AFAP1: variants seen among roughly 807,000 people sequenced by gnomAD.
The protein encoded by AFAP1 is actin filament-associated protein 1.
AFAP1 carries 75 observed loss-of-function variants against 93.9 expected under a neutral mutation model. That is an observed-to-expected ratio of 0.80 (90% CI 0.66 to 0.97). The LOEUF is 0.97. Among genes scored for constraint, AFAP1 ranks in the 50% least tolerant of loss-of-function variants. The probability of loss-of-function intolerance (pLI) is 0.00; values close to 1 mark genes in which losing one functional copy is unlikely to be tolerated. For synonymous variants in AFAP1, 517 were observed against 430.7 expected (o/e 1.20, Z -2.48); for missense variants, 1,201 against 1,050.8 (o/e 1.14, Z -1.98).
intron 6 of AFAP1, among the ~76,000 whole-genome samples, chr4:7,822,194 C>T (rs1318765933): frequency 6.6e-6 from 1 of 152,180 alleles, no homozygotes; most frequent in African/African-American, 2.4e-5. Context: ...TGAGCTTCTA[C>T]GTCAAACCCA....
chr4:7,933,707 G>C (rs1312060690), intron 1 of AFAP1, among the ~76,000 whole-genome samples: 2 of 152,216 alleles, frequency 1.3e-5, no homozygotes, highest in Non-Finnish European at 2.9e-5. Context: ...GCAAAGACCA[G>C]ATAGAGGCCT....
chr4:7,842,037 C>T (rs1183491224), intron 5 of AFAP1, among the ~76,000 whole-genome samples: 4 of 152,102 alleles, frequency 2.6e-5, no homozygotes, highest in Non-Finnish European at 5.9e-5. Context: ...CTAAAACATT[C>T]ATATAATATA....
At chr4:7,815,981 T>C (rs1262048124) in intron 8 of AFAP1, 37 bp downstream of exon 8, 1 of 1,544,836 alleles carries the variant, frequency 6.5e-7, no homozygotes, top group African/African-American at 1.4e-5. Context: ...GTTTTTTTTT[T>C]TAGTGTATAT....
chr4:7,786,238 C>A lies in AFAP1; in HGVS notation c.1486G>T (p.Gly496Trp), dbSNP rs769883895. The A allele has an allele frequency of 6.2e-7, 1 of 1,614,124 alleles. No individual in the cohort carries two copies. Among genetic ancestry groups the A allele is most frequent in the Non-Finnish European group, 8.5e-7 (1 of 1,180,022 alleles). The change falls in exon 12 of 18, where the codon GGG becomes TGG. Residue 496 changes from glycine to tryptophan, a missense_variant. Physicochemically the swap from Gly to Trp is radical, Grantham distance 184. Coordinates refer to ENST00000420658, the MANE Select transcript of AFAP1 (RefSeq NM_001134647.2). ...GTSNGYAHPS[G>W]TALHYDDVPC... Reference sequence around the variant, plus strand: ...ACATCGTCATAATGAAGTGCCGTCCCGCTGGGGTGGGCATAGCCGTTGGAG... The same window carrying A: ...ACATCGTCATAATGAAGTGCCGTCCAGCTGGGGTGGGCATAGCCGTTGGAG...
At chr4:7,772,041 A>T (rs1715515996) in intron 16 of AFAP1, among the ~76,000 whole-genome samples, 1 of 152,192 alleles carries the variant, frequency 6.6e-6, no homozygotes. Context: ...GGTGGGTTCA[A>T]CCAGGCTCAG....
chr4:7,854,218 T>TA (rs1714779424), intron 4 of AFAP1, among the ~76,000 whole-genome samples: 1 of 152,338 alleles, frequency 6.6e-6, no homozygotes, highest in African/African-American at 2.4e-5. Context: ...ACTGTCTTCT[T>TA]AAAGAGTTGG....
intron 2 of AFAP1, among the ~76,000 whole-genome samples, chr4:7,870,048 G>T (rs1716890603): frequency 6.6e-6 from 1 of 152,162 alleles, no homozygotes; most frequent in Admixed American, 6.5e-5. Context: ...TGTTTACTAT[G>T]CATCAGGCAC....
chr4:7,876,338 A>G (rs1717503622), intron 1 of AFAP1, among the ~76,000 whole-genome samples: 1 of 152,212 alleles, frequency 6.6e-6, no homozygotes, highest in Non-Finnish European at 1.5e-5. Flanking sequence ...GCTATACTGC[A>G]AGGTCCTGCA....
rs755562513 is a variant in AFAP1 at position 7,838,568 on chromosome 4, C to G, written c.682G>C (p.Val228Leu). Reference sequence around the variant, plus strand: ...TGTTCCTTGCTCTGGACGGCGAGAACAAGCGGGTCCGTGCCCTGCTGAGTA... The same window carrying G: ...TGTTCCTTGCTCTGGACGGCGAGAAGAAGCGGGTCCGTGCCCTGCTGAGTA... ...KITQQGTDPL[V>L]LAVQSKEQAE... Residue 228 changes from valine to leucine, a missense_variant, in exon 6 of 18, where the codon GTT becomes CTT. Val to Leu is a conservative substitution (Grantham distance 32). Coordinates refer to ENST00000420658, the MANE Select transcript of AFAP1 (RefSeq NM_001134647.2). 2 of 1,614,132 alleles carry G rather than the reference C, an allele frequency of 1.2e-6. No homozygotes were observed. The highest frequency in any genetic ancestry group is 1.3e-5 in the African/African-American group (1 of 75,034).
At chr4:7,829,803 T>G (rs553679083) in intron 6 of AFAP1, among the ~76,000 whole-genome samples, 85 of 152,324 alleles carry the variant, frequency 5.6e-4, no homozygotes, top group Non-Finnish European at 1.1e-3. Context: ...GGAGAGTGCC[T>G]TAGCTATACA....
intron 1 of AFAP1, among the ~76,000 whole-genome samples, chr4:7,874,871 A>G (rs1466763449): frequency 6.6e-6 from 1 of 152,150 alleles, no homozygotes; most frequent in Non-Finnish European, 1.5e-5. Flanking sequence ...ATTTATGTTA[A>G]CATAATAGGT....
At chr4:7,916,974 C>A (rs1311381480) in intron 1 of AFAP1, among the ~76,000 whole-genome samples, 2 of 152,092 alleles carry the variant, frequency 1.3e-5, no homozygotes, top group Non-Finnish European at 2.9e-5. Context: ...CGTAAATCAC[C>A]TGATTATAAC....
intron 1 of AFAP1, among the ~76,000 whole-genome samples, chr4:7,874,374 T>C (rs1182474798): frequency 2.2e-5 from 3 of 138,636 alleles, no homozygotes; most frequent in Non-Finnish European, 4.7e-5. Context: ...TTTTTTTTTT[T>C]TTTTTTTGAG....
At chr4:7,817,001 G>C (rs113034440) in intron 7 of AFAP1, among the ~76,000 whole-genome samples, 1 of 152,188 alleles carries the variant, frequency 6.6e-6, no homozygotes, top group African/African-American at 2.4e-5. Flanking sequence ...GGAATCCAGG[G>C]CAACAGGTCC....
intron 4 of AFAP1, among the ~76,000 whole-genome samples, chr4:7,849,989 G>A (rs1202309127): frequency 2.0e-5 from 3 of 152,142 alleles, no homozygotes; most frequent in Non-Finnish European, 2.9e-5. Flanking sequence ...GGAGGAACAC[G>A]TGGTAGGTAA....
intron 3 of AFAP1, among the ~76,000 whole-genome samples, chr4:7,856,142 A>G (rs1715033942): frequency 6.6e-6 from 1 of 152,224 alleles, no homozygotes; most frequent in Admixed American, 6.5e-5. Context: ...ATTGTGTGCT[A>G]GGAAAACTTT....
Position 7,900,594 on chromosome 4 carries a change from T to C in AFAP1, c.-2-28514A>G, listed in dbSNP as rs116368731. ...TGTCCCCCAGGCCCACGCCAGCGAC[T>C]CCAAGTAGGTTATAACCAAACTACC... On this transcript the variant is annotated intron_variant, in intron 1 of 17. Transcript: ENST00000420658. Among the ~76,000 whole-genome samples, 353 of 152,264 alleles carry C rather than the reference T, an allele frequency of 2.3e-3. 2 individuals carry two copies. The highest frequency in any genetic ancestry group is 8.1e-3 in the African/African-American group (336 of 41,552).
chr4:7,842,066 TATATC>T (rs1713081345), intron 5 of AFAP1, among the ~76,000 whole-genome samples: 1 of 152,170 alleles, frequency 6.6e-6, no homozygotes, highest in Admixed American at 6.5e-5. Flanking sequence ...TTGTAGCCAT[TATATC>T]AGACTGGAAA....
chr4:7,934,512 G>A (rs1721270493), intron 1 of AFAP1, among the ~76,000 whole-genome samples: 1 of 152,190 alleles, frequency 6.6e-6, no homozygotes, highest in African/African-American at 2.4e-5. Flanking sequence ...AATTCTTCGA[G>A]GACCAGGGCC....
Sources: allele counts gnomAD v4.1 joint callset (sites outside exome capture counted in the v4.1 genomes callset), GRCh38; gene constraint gnomAD v4.1.1; transcripts MANE v1.5; gene names NCBI Gene and HGNC (gene_info 2026-07-23, HGNC 2026-07-21).